Variants in CDC20B observed in about 807,000 individuals in gnomAD.
CDC20B encodes cell division cycle protein 20 homolog B.
CDC20B carries 58 observed loss-of-function variants against 64.1 expected under a neutral mutation model. That is an observed-to-expected ratio of 0.90 (90% CI 0.73 to 1.13). The LOEUF (loss-of-function observed/expected upper bound fraction) is 1.13, where lower values mean the gene tolerates loss of function less well. Among genes scored for constraint, CDC20B ranks in the 50% most tolerant of loss-of-function variants. The pLI, the probability that CDC20B is intolerant of heterozygous loss-of-function variation, is 0.00. For synonymous variants in CDC20B, 243 were observed against 230.6 expected (o/e 1.05, Z -0.49); for missense variants, 597 against 633.0 (o/e 0.94, Z 0.61).
chr5:55,142,134 C>T (rs1053424700), intron 4 of CDC20B, among the ~76,000 whole-genome samples: 3 of 152,166 alleles, frequency 2.0e-5, no homozygotes, highest in Admixed American at 2.0e-4. Flanking sequence ...TAGATGAGAT[C>T]GACTTACTAC....
intron 2 of CDC20B, chr5:55,160,939 T>G (rs1023783443): frequency 6.9e-5 from 108 of 1,561,742 alleles, no homozygotes; most frequent in Non-Finnish European, 8.8e-5. Context: ...ACTTGCAGAA[T>G]TTTTTAAAAT....
chr5:55,143,926 G>A (rs1375144391), intron 3 of CDC20B, among the ~76,000 whole-genome samples: 1 of 150,842 alleles, frequency 6.6e-6, no homozygotes, highest in African/African-American at 2.4e-5. Context: ...GAGCAGGGAA[G>A]AGGTGCCAAG....
intron 8 of CDC20B, 120 bp from the exon 9 acceptor site, chr5:55,125,148 A>T (rs1194314580): frequency 1.2e-5 from 8 of 689,218 alleles, no homozygotes; most frequent in South Asian, 2.0e-5. Context: ...TTCAAAACAC[A>T]GGTGGAGATT....
Position 55,161,154 on chromosome 5 carries a change from T to C in CDC20B, c.126+11434A>G, listed in dbSNP as rs1441194351. On this transcript the variant is annotated intron_variant, in intron 2 of 11. Transcript: ENST00000381375. ...TCGGAGCCCCGCCCAAGCAAGGAAGTAGAATCTTTTGCAAGAAAAAACTAC... is the reference window on the plus strand; with the variant it reads ...TCGGAGCCCCGCCCAAGCAAGGAAGCAGAATCTTTTGCAAGAAAAAACTAC... 5 of 1,614,094 alleles carry C rather than the reference T, an allele frequency of 3.1e-6. No homozygotes were observed. The African/African-American group carries it at 5.3e-5, about 17-fold the overall frequency.
At chr5:55,142,110 G>A (rs928615808) in intron 4 of CDC20B, among the ~76,000 whole-genome samples, 8 of 152,276 alleles carry the variant, frequency 5.3e-5, no homozygotes, top group Non-Finnish European at 8.8e-5. Flanking sequence ...TGTGGGTGCA[G>A]GGGTGCTCTT....
At chr5:55,165,005 G>C (rs760427905) in intron 2 of CDC20B, 1 of 151,954 alleles carries the variant, frequency 6.6e-6, no homozygotes, top group Non-Finnish European at 1.5e-5. Flanking sequence ...TTATTTTTGC[G>C]TGAAAATCCC....
At chr5:55,137,825 A>C (rs1380113294) in intron 5 of CDC20B, among the ~76,000 whole-genome samples, 1 of 152,196 alleles carries the variant, frequency 6.6e-6, no homozygotes, top group Non-Finnish European at 1.5e-5. Context: ...TTTTCTAGAC[A>C]GTGGATAAAG....
At chr5:55,170,802 G>A (rs1014383395) in intron 2 of CDC20B, 2 of 464,578 alleles carry the variant, frequency 4.3e-6, no homozygotes, top group African/African-American at 2.0e-5. Flanking sequence ...GAAACATAGT[G>A]GCAGAACTCT....
chr5:55,148,918 C>T (rs1275330097), intron 2 of CDC20B, among the ~76,000 whole-genome samples: 1 of 152,238 alleles, frequency 6.6e-6, no homozygotes, highest in Admixed American at 6.5e-5. Context: ...TCCAAGACTA[C>T]ACAGTAAGTG....
intron 2 of CDC20B, among the ~76,000 whole-genome samples, chr5:55,148,919 A>T (rs1436260434): frequency 6.6e-6 from 1 of 152,234 alleles, no homozygotes; most frequent in Admixed American, 6.5e-5. Flanking sequence ...CCAAGACTAC[A>T]CAGTAAGTGG....
intron 2 of CDC20B, chr5:55,160,886 A>G: frequency 8.7e-7 from 1 of 1,150,900 alleles, no homozygotes; most frequent in Non-Finnish European, 1.2e-6. Flanking sequence ...AAAAACATCA[A>G]TCAGAGGTTA....
chr5:55,140,737 A>G (rs1743307061), intron 4 of CDC20B, among the ~76,000 whole-genome samples: 1 of 152,166 alleles, frequency 6.6e-6, no homozygotes, highest in Non-Finnish European at 1.5e-5. Flanking sequence ...GATATCAGCA[A>G]AGCCTGCCAC....
At position 55,128,529 on chromosome 5, in the gene CDC20B, A is replaced by T. The variant is rs77495563; in HGVS notation, c.786T>A (p.Asn262Lys). 1 of 1,611,190 alleles carries T rather than the reference A, an allele frequency of 6.2e-7. No individual in the cohort carries two copies. The highest frequency in any genetic ancestry group is 8.5e-7 in the Non-Finnish European group (1 of 1,179,438). ...AVYIWNGENH[N>K]GIENIDLSLT... The stretch of plus-strand genomic sequence containing the variant: ...GACTTAAGTCTATGTTTTCAATCCC[A>T]TTGTGGTTCTCCCCATTCCAGATGT... The change falls in exon 7 of 12, where the codon AAT (asparagine) becomes AAA (lysine). Residue 262 changes from asparagine to lysine, a missense_variant. This residue lies in a region of CDC20B where 353 missense variants were observed against 397.0 expected (regional missense o/e 0.89). Coordinates refer to ENST00000381375, the MANE Select transcript of CDC20B (RefSeq NM_001170402.1).
At chr5:55,156,525 T>G (rs1222228330) in intron 2 of CDC20B, among the ~76,000 whole-genome samples, 1 of 152,158 alleles carries the variant, frequency 6.6e-6, no homozygotes, top group Non-Finnish European at 1.5e-5. Context: ...AGAATTACTG[T>G]GAAGAAGGTA....
At chr5:55,130,678 A>G (rs1158065754) in intron 6 of CDC20B, among the ~76,000 whole-genome samples, 2 of 152,232 alleles carry the variant, frequency 1.3e-5, no homozygotes, top group African/African-American at 4.8e-5. Context: ...TATGAAAGAG[A>G]AACTTGGATC....
chr5:55,168,994 A>G (rs1382392868), intron 2 of CDC20B, among the ~76,000 whole-genome samples: 1 of 151,682 alleles, frequency 6.6e-6, no homozygotes, highest in Admixed American at 6.6e-5. Context: ...TTGGCATTTT[A>G]TATCTTGCTC....
chr5:55,121,099 T>C (rs1011039432), intron 9 of CDC20B, among the ~76,000 whole-genome samples: 1 of 152,190 alleles, frequency 6.6e-6, no homozygotes, highest in Non-Finnish European at 1.5e-5. Context: ...TTCTAAAAAA[T>C]AGGATTTAGT....
intron 5 of CDC20B, chr5:55,135,693 G>A (rs997299805): frequency 6.6e-6 from 1 of 151,858 alleles, no homozygotes; most frequent in South Asian, 2.1e-4. Context: ...CAGCCCAGGA[G>A]GGCTTTGAAT....
At position 55,120,411 on chromosome 5, in the gene CDC20B, G is replaced by A. The variant is rs970665403; in HGVS notation, c.1341+14C>T. 11 of 1,613,264 alleles carry A rather than the reference G, an allele frequency of 6.8e-6. No individual in the cohort carries two copies. Among genetic ancestry groups the A allele is most frequent in the African/African-American group, 1.3e-5 (1 of 74,982 alleles). ...AAGATCAAAATGAAGATGAAGCCCA[G>A]AGGAGATATTAACCTGTGAGTTTGT... On this transcript the variant is annotated intron_variant, in intron 10 of 11. Coordinates refer to ENST00000381375, the MANE Select transcript of CDC20B (RefSeq NM_001170402.1).
Sources: allele counts gnomAD v4.1 joint callset (sites outside exome capture counted in the v4.1 genomes callset), GRCh38; gene constraint gnomAD v4.1.1; regional missense constraint gnomAD v4.1.1; transcripts MANE v1.5; gene names NCBI Gene and HGNC (gene_info 2026-07-23, HGNC 2026-07-21).